Variants in LRP1B observed in about 807,000 individuals in gnomAD.
LRP1B encodes the protein LDL receptor related protein 1B, also known as low-density lipoprotein receptor-related protein 1B.
Under a neutral mutation model 556.6 loss-of-function variants are expected in LRP1B, and 217 were observed. The ratio of observed to expected loss-of-function variants is 0.39; its 90% CI spans 0.35 to 0.44. The LOEUF (loss-of-function observed/expected upper bound fraction) is 0.44. LRP1B is among the 20% of genes least tolerant of loss of function. LRP1B has a pLI of 1.00. For synonymous variants in LRP1B, 2,047 were observed against 1,865.8 expected (o/e 1.10, Z -2.50); for missense variants, 5,053 against 5,620.8 (o/e 0.90, Z 3.23).
chr2:140,375,294 T>C (rs187999894), intron 68 of LRP1B, among the ~76,000 whole-genome samples: 2 of 152,148 alleles, frequency 1.3e-5, no homozygotes, highest in Non-Finnish European at 2.9e-5. Context: ...TTTGTTGTTG[T>C]GCACTTTGTA....
chr2:140,357,654 C>T lies in LRP1B; in HGVS notation c.11395+325G>A, dbSNP rs530698484. On this transcript the variant is annotated intron_variant, in intron 74 of 90. Transcript: ENST00000389484. Reference sequence around the variant, plus strand: ...TTACTATCATTCAACTAAATATCACCGTTTATAAAACTTAACACTAAATTT... The same window carrying T: ...TTACTATCATTCAACTAAATATCACTGTTTATAAAACTTAACACTAAATTT... Among the ~76,000 whole-genome samples the T allele has an allele frequency of 4.0e-5, 6 of 151,254 alleles. No homozygotes were observed. The East Asian group carries it at 7.8e-4, about 20-fold the overall frequency.
intron 23 of LRP1B, among the ~76,000 whole-genome samples, chr2:140,888,794 T>C (rs1233806964): frequency 2.0e-5 from 3 of 151,464 alleles, no homozygotes; most frequent in Admixed American, 6.6e-5. Flanking sequence ...TGAAACCCCG[T>C]CTCTACTAAA....
At chr2:141,522,340 T>C (rs1279032904) in intron 2 of LRP1B, among the ~76,000 whole-genome samples, 2 of 152,142 alleles carry the variant, frequency 1.3e-5, no homozygotes, top group Non-Finnish European at 2.9e-5. Flanking sequence ...TGTAAACATC[T>C]TCAGTTGAAA....
chr2:141,246,536 A>G (rs1357415945), intron 5 of LRP1B, among the ~76,000 whole-genome samples: 1 of 152,206 alleles, frequency 6.6e-6, no homozygotes, highest in Non-Finnish European at 1.5e-5. Context: ...TTTATTATAT[A>G]AATAATTAAT....
At chr2:142,103,638 T>C (rs796639263) in intron 1 of LRP1B, among the ~76,000 whole-genome samples, 8 of 152,164 alleles carry the variant, frequency 5.3e-5, no homozygotes, top group African/African-American at 1.9e-4. Flanking sequence ...GGCCAAACAA[T>C]GAAATGACAA....
chr2:141,591,591 T>C (rs1028169843), intron 2 of LRP1B, among the ~76,000 whole-genome samples: 2 of 151,358 alleles, frequency 1.3e-5, no homozygotes, highest in Non-Finnish European at 3.0e-5. Context: ...GGTGTGTGTG[T>C]GTGTGTGTGT....
intron 2 of LRP1B, among the ~76,000 whole-genome samples, chr2:141,696,168 C>T (rs1348878123): frequency 1.3e-5 from 2 of 152,034 alleles, no homozygotes; most frequent in East Asian, 1.9e-4. Flanking sequence ...TTTTAGCAGA[C>T]TCAGTACCAC....
At position 141,810,294 on chromosome 2, in the gene LRP1B, C is replaced by T. The variant is rs149123961; in HGVS notation, c.190G>A (p.Glu64Lys). The T allele has an allele frequency of 1.9e-6, 3 of 1,612,898 alleles. No homozygotes were observed. The highest frequency in any genetic ancestry group is 1.7e-5 in the Admixed American group (1 of 59,850). Residue 64 changes from glutamate (E) to lysine (K), a missense_variant, in exon 2 of 91, where the codon GAG becomes AAG. Physicochemically the swap from Glu to Lys is moderately conservative, Grantham distance 56. This residue lies in a region of LRP1B where 3,619 missense variants were observed against 3,931.9 expected (regional missense o/e 0.92). Coordinates refer to ENST00000389484, the MANE Select transcript of LRP1B (RefSeq NM_018557.3). ...TTCTACTCACAGGTATCTAAAGACTCGTCTGAATCATCAGGGCAGTCAGGG... is the reference window on the plus strand; with the variant it reads ...TTCTACTCACAGGTATCTAAAGACTTGTCTGAATCATCAGGGCAGTCAGGG... ...GDPDCPDDSDESLDTCPEEVE... is the reference protein window; with the variant it reads ...GDPDCPDDSDKSLDTCPEEVE...
Position 140,442,604 on chromosome 2 carries a change from T to C in LRP1B, c.10314A>G (p.Pro3438=). The C allele has an allele frequency of 1.2e-6, 2 of 1,613,814 alleles. No homozygotes were observed. The highest frequency in any genetic ancestry group is 2.2e-5 in the South Asian group (2 of 91,042). ...ERDCPENSCS[P]DYFQCKTTKH... is the part of the protein sequence containing the mutation. ...TCGTAGTCTTACACTGGAAATAGTC[T>C]GGAGAACAGCTGTTTTCAGCTTAGA... Residue 3438 remains proline, a synonymous_variant, in exon 66 of 91, where the codon CCA becomes CCG. Coordinates refer to ENST00000389484, the MANE Select transcript of LRP1B (RefSeq NM_018557.3).
chr2:141,905,763 A>ATGTGTGTGTGT (rs71338143), intron 1 of LRP1B, among the ~76,000 whole-genome samples: 2 of 115,154 alleles, frequency 1.7e-5, no homozygotes, highest in Non-Finnish European at 3.8e-5. Context: ...TGGTTTGAAT[A>ATGTGTGTGTGT]GATGTGTGTG....
At chr2:140,855,092 A>G (rs1294598572) in intron 27 of LRP1B, among the ~76,000 whole-genome samples, 1 of 152,164 alleles carries the variant, frequency 6.6e-6, no homozygotes, top group African/African-American at 2.4e-5. Context: ...TATGCATTAA[A>G]TAAAACATTA....
intron 3 of LRP1B, among the ~76,000 whole-genome samples, chr2:141,451,200 G>C (rs1262450695): frequency 1.3e-5 from 2 of 152,142 alleles, no homozygotes; most frequent in Admixed American, 6.5e-5. Flanking sequence ...AAGACCCTGA[G>C]TGTGTGCATG....
At chr2:142,126,296 T>C (rs1298571466) in intron 1 of LRP1B, among the ~76,000 whole-genome samples, 2 of 151,606 alleles carry the variant, frequency 1.3e-5, no homozygotes, top group African/African-American at 2.4e-5. Context: ...AATAGACATG[T>C]TTATCTGGAG....
chr2:140,959,153 G>A (rs1313950243), intron 18 of LRP1B, among the ~76,000 whole-genome samples: 2 of 151,240 alleles, frequency 1.3e-5, no homozygotes, highest in African/African-American at 4.8e-5. Context: ...AGTAGACTGA[G>A]TGGAAGATGG....
intron 87 of LRP1B, among the ~76,000 whole-genome samples, chr2:140,244,178 A>T (rs1681062068): frequency 6.6e-6 from 1 of 151,094 alleles, no homozygotes; most frequent in African/African-American, 2.4e-5. Flanking sequence ...ATAAAACATT[A>T]TTTTGTTGTG....
At chr2:141,412,510 A>G (rs1181762037) in intron 3 of LRP1B, among the ~76,000 whole-genome samples, 3 of 152,216 alleles carry the variant, frequency 2.0e-5, no homozygotes, top group Non-Finnish European at 4.4e-5. Flanking sequence ...CCTCTCAACT[A>G]TATAATAGTC....
intron 11 of LRP1B, among the ~76,000 whole-genome samples, chr2:141,032,236 T>A (rs1698392903): frequency 6.6e-6 from 1 of 152,144 alleles, no homozygotes; most frequent in African/African-American, 2.4e-5. Context: ...TTTTAACGGC[T>A]ACTTAATATT....
intron 2 of LRP1B, among the ~76,000 whole-genome samples, chr2:141,540,951 A>C (rs184815009): frequency 6.6e-6 from 1 of 152,188 alleles, no homozygotes; most frequent in African/African-American, 2.4e-5. Flanking sequence ...ATGAAAATAT[A>C]TGCAAGACAT....
At chr2:141,824,891 A>G (rs1386612937) in intron 1 of LRP1B, among the ~76,000 whole-genome samples, 5 of 151,948 alleles carry the variant, frequency 3.3e-5, no homozygotes, top group Non-Finnish European at 7.4e-5. Context: ...CTGCTGGGAG[A>G]TGGTTGTATC....
Sources: gnomAD v4.1 joint callset for allele counts (sites outside exome capture counted in the v4.1 genomes callset) on GRCh38, gnomAD v4.1.1 for gene constraint, gnomAD v4.1.1 regional missense constraint, MANE v1.5 for transcripts, NCBI Gene and HGNC (gene_info 2026-07-23, HGNC 2026-07-21) for gene names.